The following ADD2 variants were observed in gnomAD, a reference collection of about 807,000 sequenced individuals.
ADD2 encodes adducin 2, also known as beta-adducin.
Under a neutral mutation model 83.0 loss-of-function variants are expected in ADD2, and 23 were observed. The observed-to-expected ratio is 0.28, with a 90% confidence interval of 0.20 to 0.39. The LOEUF is 0.39. Ranked by LOEUF, ADD2 falls within the 10% of genes least tolerant of loss-of-function variation. ADD2 has a pLI of 1.00. For missense variants in ADD2, 758 were observed against 944.9 expected, an observed-to-expected ratio of 0.80 and a Z score of 2.59; for synonymous variants, 375 against 375.4, an observed-to-expected ratio of 1.00 and a Z score of 0.01.
intron 15 of ADD2, among the ~76,000 whole-genome samples, chr2:70,665,421 T>C (rs1256115353): frequency 6.6e-6 from 1 of 152,192 alleles, no homozygotes; most frequent in Non-Finnish European, 1.5e-5. Context: ...GCCCAGCCCA[T>C]GTCCTGTCAT....
At chr2:70,765,173 C>T (rs1553385758) in intron 1 of ADD2, among the ~76,000 whole-genome samples, 4 of 151,542 alleles carry the variant, frequency 2.6e-5, no homozygotes, top group Non-Finnish European at 4.4e-5. Context: ...GCCAACATGG[C>T]GAAACCCCGT....
intron 10 of ADD2, among the ~76,000 whole-genome samples, chr2:70,681,840 T>C (rs1465859266): frequency 6.6e-6 from 1 of 152,094 alleles, no homozygotes. Context: ...AGAATAATTG[T>C]TTTGTTTAAA....
intron 2 of ADD2, among the ~76,000 whole-genome samples, chr2:70,707,634 G>A (rs1671970282): frequency 6.6e-6 from 1 of 152,226 alleles, no homozygotes; most frequent in South Asian, 2.1e-4. Context: ...CAACACCCAG[G>A]GTGGCCTTAC....
chr2:70,657,335 A>T lies in ADD2; in HGVS notation c.*6090T>A, dbSNP rs1207947606. On this transcript the variant is annotated 3_prime_UTR_variant, in exon 16 of 16. Transcript: ENST00000264436. ...CATCCATAGCTTTAGAGAACACTGC[A>T]TTCTATCTAGACTGGGTTCCTGCTT... is the stretch of plus-strand genomic sequence containing the variant. 6.6e-6 allele frequency: 1 copy of T among 152,244 alleles called. No individual in the cohort carries two copies. Among genetic ancestry groups the T allele is most frequent in the Non-Finnish European group, 1.5e-5 (1 of 68,056 alleles). The allele number at this position is 152,244 out of a possible 1,614,324, so 9.4% of individuals were successfully genotyped here. A position where few individuals can be genotyped will look rare whatever the true frequency, so the allele number is the denominator to read the frequency against.
At chr2:70,730,676 T>C (rs17006246) in intron 1 of ADD2, among the ~76,000 whole-genome samples, 22,473 of 152,292 alleles carry the variant, frequency 0.15, 1,770 homozygotes, top group East Asian at 0.29. Context: ...CTGGAAGAGT[T>C]GATCAGATAC....
intron 3 of ADD2, among the ~76,000 whole-genome samples, chr2:70,705,503 C>T (rs1657954511): frequency 1.3e-5 from 2 of 152,302 alleles, no homozygotes; most frequent in South Asian, 2.1e-4. Flanking sequence ...ATTCCTGAGG[C>T]CCCCCAAGCT....
Position 70,706,362 on chromosome 2 carries a change from T to C in ADD2, c.47A>G (p.Gln16Arg), listed in dbSNP as rs201443444. The stretch of plus-strand genomic sequence containing the variant: ...GAAGCGGTCAAAGTAAGGCTGCCCC[T>C]GCGGGGGCGGCGGCGAGGCAGCCTC... ...VPEAASPPPPQGQPYFDRFSE... is the reference protein window; with the variant it reads ...VPEAASPPPPRGQPYFDRFSE... The change falls in exon 3 of 16, where the codon CAG becomes CGG. Residue 16 changes from glutamine (Q) to arginine (R), a missense_variant. This residue lies in a region of ADD2 where 175 missense variants were observed against 192.1 expected (regional missense o/e 0.91). Coordinates refer to ENST00000264436, the MANE Select transcript of ADD2 (RefSeq NM_001617.4). The surrounding 1 kb of genome is among the most constrained non-coding windows in gnomAD (Gnocchi z 5.0). 1,231 of 1,612,220 alleles carry C rather than the reference T, an allele frequency of 7.6e-4. 6 individuals are homozygous for C. In the African/African-American group the frequency reaches 0.015, roughly 20 times the overall value.
intron 1 of ADD2, among the ~76,000 whole-genome samples, chr2:70,728,614 C>T (rs1481105505): frequency 6.6e-6 from 1 of 152,226 alleles, no homozygotes; most frequent in South Asian, 2.1e-4. Context: ...TCTAGAAAAA[C>T]ATGCTATGGA....
At chr2:70,720,644 A>G (rs1672689389) in intron 1 of ADD2, among the ~76,000 whole-genome samples, 1 of 152,190 alleles carries the variant, frequency 6.6e-6, no homozygotes, top group Non-Finnish European at 1.5e-5. Context: ...TTATTGGATT[A>G]CGGGGATATT....
intron 5 of ADD2, 128 bp from the exon 6 acceptor site, chr2:70,695,929 TCC>T: frequency 2.6e-6 from 2 of 770,944 alleles, no homozygotes; most frequent in Non-Finnish European, 4.2e-6. Flanking sequence ...CCCTTATCTC[TCC>T]CCCCCAGCCA....
chr2:70,768,198 G>C lies in ADD2; in HGVS notation c.-466C>G. ...TTCCCGCACGAGGCTGGGAGGAAATGAGAGCTCTCCTGGCCCTGCGCGCTG... is the reference window on the plus strand; with the variant it reads ...TTCCCGCACGAGGCTGGGAGGAAATCAGAGCTCTCCTGGCCCTGCGCGCTG... On this transcript the variant is annotated 5_prime_UTR_variant, in exon 1 of 16. Transcript: ENST00000264436. The C allele has an allele frequency of 1.7e-6, 1 of 576,630 alleles. No individual in the cohort carries two copies. The highest frequency in any genetic ancestry group is 3.3e-5 in the Admixed American group (1 of 30,538). The allele number at this position is 576,630 out of a possible 1,614,324, so 35.7% of individuals were successfully genotyped here.
chr2:70,725,620 G>C (rs536734419), intron 1 of ADD2, among the ~76,000 whole-genome samples: 9 of 152,212 alleles, frequency 5.9e-5, no homozygotes, highest in Admixed American at 2.6e-4. Context: ...GCAGAGATTG[G>C]AGTGAGGCAG....
At chr2:70,678,413 T>C (rs1437946130) in intron 11 of ADD2, among the ~76,000 whole-genome samples, 1 of 152,112 alleles carries the variant, frequency 6.6e-6, no homozygotes, top group Non-Finnish European at 1.5e-5. Context: ...CCCCTGTGGA[T>C]GTGGGAGAAA....
At position 70,662,287 on chromosome 2, in the gene ADD2, C is replaced by A. The variant is rs1553365141; in HGVS notation, c.*1138G>T. 6.6e-6 allele frequency: 1 copy of A among 152,174 alleles called. No individual in the cohort carries two copies. Among genetic ancestry groups the A allele is most frequent in the Non-Finnish European group, 1.5e-5 (1 of 68,044 alleles). 9.4% of individuals were successfully genotyped at this position (152,174 alleles called of 1,614,324 possible). A position where few individuals can be genotyped will look rare whatever the true frequency, so the allele number is the denominator to read the frequency against. On this transcript the variant is annotated 3_prime_UTR_variant, in exon 16 of 16. Transcript: ENST00000264436. ...ACAGATAGGGACAAGGACAGGGATACCCAGCATTTCTCTGAGAGCTGGTGC... is the reference window on the plus strand; with the variant it reads ...ACAGATAGGGACAAGGACAGGGATAACCAGCATTTCTCTGAGAGCTGGTGC...
chr2:70,716,603 G>T (rs1553376386), intron 1 of ADD2, among the ~76,000 whole-genome samples: 2 of 152,208 alleles, frequency 1.3e-5, no homozygotes, highest in African/African-American at 4.8e-5. Context: ...TGTTGCCATA[G>T]GGCCTGGTGC....
rs1553378173 is a variant in ADD2, at chr2:70,725,981, A to T, written c.-153-12797T>A. ...GGCGGGCGGATCACGAGGTCAGGAG[A>T]TCGAGACCATCCCGGCTAAAACGGT... On this transcript the variant is annotated intron_variant, in intron 1 of 15. Coordinates refer to ENST00000264436, the MANE Select transcript of ADD2 (RefSeq NM_001617.4). 4.0e-5 allele frequency among the ~76,000 whole-genome samples: 6 copies of T among 151,878 alleles called. No individual in the cohort carries two copies. The South Asian group carries it at 1.2e-3, about 32-fold the overall frequency.
chr2:70,692,979 A>G (rs80066957), intron 6 of ADD2, among the ~76,000 whole-genome samples: 2,546 of 152,222 alleles, frequency 0.017, 66 homozygotes, highest in African/African-American at 0.057. Context: ...GGAGTCTTTC[A>G]TCCCATCAGA....
chr2:70,689,595 T>C (rs1334073605), intron 8 of ADD2, among the ~76,000 whole-genome samples: 1 of 152,202 alleles, frequency 6.6e-6, no homozygotes, highest in Non-Finnish European at 1.5e-5. Flanking sequence ...ACACTCTAAA[T>C]AATGTTCTGG....
At chr2:70,749,189 A>G (rs1373658335) in intron 1 of ADD2, among the ~76,000 whole-genome samples, 1 of 152,148 alleles carries the variant, frequency 6.6e-6, no homozygotes, top group Non-Finnish European at 1.5e-5. Flanking sequence ...AGATGCTTAT[A>G]AAACCATTAG....
Sources: allele counts gnomAD v4.1 joint callset (sites outside exome capture counted in the v4.1 genomes callset), GRCh38; gene constraint gnomAD v4.1.1; regional missense constraint gnomAD v4.1.1; non-coding constraint Gnocchi (gnomAD v3.1); transcripts MANE v1.5; gene names NCBI Gene and HGNC (gene_info 2026-07-23, HGNC 2026-07-21).